The following MKS1 variants were observed in gnomAD, a reference collection of about 807,000 sequenced individuals.
MKS1 encodes the protein tectonic-like complex member MKS1.
Under a neutral mutation model 83.7 loss-of-function variants are expected in MKS1, and 70 were observed. The observed-to-expected ratio is 0.84, with a 90% CI of 0.69 to 1.02. MKS1 has a LOEUF of 1.02. Ranked by LOEUF, MKS1 falls within the 50% of genes least tolerant of loss-of-function variation. The pLI, the probability that MKS1 is intolerant of heterozygous loss-of-function variation, is 0.00. For synonymous variants in MKS1, 251 were observed against 273.4 expected, an observed-to-expected ratio of 0.92 and a Z score of 0.81; for missense variants, 681 against 726.9, an observed-to-expected ratio of 0.94 and a Z score of 0.73.
rs1968466644 is a variant in MKS1, at chr17:58,205,765, G to A, written c.*314C>T. ...TGCTACTGTGAGACAAGCCAGAAAA[G>A]TGAGTCAAGGCCAGACTCACTATGG... On this transcript the variant is annotated 3_prime_UTR_variant, in exon 18 of 18. Coordinates refer to ENST00000393119, the MANE Select transcript of MKS1 (RefSeq NM_017777.4). 3 of 1,411,962 alleles carry A rather than the reference G, an allele frequency of 2.1e-6. No individual in the cohort carries two copies. Among genetic ancestry groups the A allele is most frequent in the Admixed American group, 4.3e-5 (2 of 46,426 alleles). 87.5% of individuals were successfully genotyped at this position (1,411,962 alleles called of 1,614,324 possible). A position where few individuals can be genotyped will look rare whatever the true frequency, so the allele number is the denominator to read the frequency against.
rs745789469 is a variant in MKS1 at position 58,210,674 on chromosome 17, C to T, written c.1009G>A (p.Glu337Lys). 3 of 1,613,888 alleles carry T rather than the reference C, an allele frequency of 1.9e-6. No homozygotes were observed. The highest frequency in any genetic ancestry group is 4.5e-5 in the East Asian group (2 of 44,886). Residue 337 changes from glutamate (E) to lysine (K), a missense_variant, in exon 11 of 18, where the codon GAA (glutamate) becomes AAA (lysine). Physicochemically the swap from Glu to Lys is moderately conservative, Grantham distance 56. Transcript: ENST00000393119. ...TATTACTTACGAGCAGTTGGCAATT[C>T]TACAAAGAAGTGGACGTAGAGATTG... ...YDNLYVHFFV[E>K]LPTAHWSSPA...
chr17:58,213,110 G>C lies in MKS1; in HGVS notation c.750-20C>G. On this transcript the variant is annotated intron_variant, in intron 7 of 17. Transcript: ENST00000393119. ...TCAATCCTGTAAGGTCAAAACCACA[G>C]AAAGGAGCAACTCTAATAATGAGAG... The C allele has an allele frequency of 6.2e-7, 1 of 1,609,918 alleles. No individual in the cohort carries two copies. Among genetic ancestry groups the C allele is most frequent in the East Asian group, 2.2e-5 (1 of 44,876 alleles).
At position 58,209,033 on chromosome 17, in the gene MKS1, A is replaced by G. The variant is rs985191939; in HGVS notation, c.1025-450T>C. Among the ~76,000 whole-genome samples, 4 of 152,214 alleles carry G rather than the reference A, an allele frequency of 2.6e-5. No homozygotes were observed. The highest frequency in any genetic ancestry group is 5.9e-5 in the Non-Finnish European group (4 of 68,036). The stretch of plus-strand genomic sequence containing the variant: ...AAGGCAGAAGAATTTTTCTTAGTAC[A>G]GAACAAAATGGAGTCTCCTATGTCT... On this transcript the variant is annotated intron_variant, in intron 11 of 17. Transcript: ENST00000393119. This position sits in a 1 kb window ranked among gnomAD's most constrained non-coding sequence, Gnocchi z 4.1.
chr17:58,205,907 G>A lies in MKS1; in HGVS notation c.*172C>T. The A allele has an allele frequency of 2.0e-6, 3 of 1,474,592 alleles. No homozygotes were observed. Among genetic ancestry groups the A allele is most frequent in the South Asian group, 2.7e-5 (2 of 74,120 alleles). 91.3% of individuals were successfully genotyped at this position (1,474,592 alleles called of 1,614,324 possible). ...TCTGGCTTTATTTCCACAGGGTAGG[G>A]AGAAGACCCTGCAGAAGGCTAGGCA... is the stretch of plus-strand genomic sequence containing the variant. On this transcript the variant is annotated 3_prime_UTR_variant, in exon 18 of 18. Transcript: ENST00000393119.
chr17:58,210,985 T>C lies in MKS1; in HGVS notation c.953A>G (p.Glu318Gly), dbSNP rs762973500. The C allele has an allele frequency of 6.2e-7, 1 of 1,613,772 alleles. No individual in the cohort carries two copies. The highest frequency in any genetic ancestry group is 8.5e-7 in the Non-Finnish European group (1 of 1,179,916). The change falls in exon 10 of 18, where the codon GAG becomes GGG. Residue 318 changes from glutamate (E) to glycine (G), a missense_variant. By Grantham distance (98) the Glu-to-Gly change is moderately conservative. Transcript: ENST00000393119. ...PGALRLFVNG[E>G]VVSAQGYEYD... is the part of the protein sequence containing the mutation. ...TATGCTAGCAAGACACTTACCGACC[T>C]CTCCATTTACAAAGAGCCGGAGGGC...
chr17:58,217,247 C>T (rs1422722223), intron 2 of MKS1, among the ~76,000 whole-genome samples: 1 of 152,216 alleles, frequency 6.6e-6, no homozygotes, highest in Non-Finnish European at 1.5e-5. Flanking sequence ...CCTTGGTCTC[C>T]CAAAGTGCTG....
rs1252937483 is a variant in MKS1, at chr17:58,214,991, G to A, written c.418-153C>T. The A allele has an allele frequency of 2.3e-5, 29 of 1,235,816 alleles. No individual in the cohort carries two copies. The South Asian group carries it at 3.4e-4, about 15-fold the overall frequency. 76.6% of individuals were successfully genotyped at this position (1,235,816 alleles called of 1,614,324 possible). A position where few individuals can be genotyped will look rare whatever the true frequency, so the allele number is the denominator to read the frequency against. ...ATTATACATGCTAACGGAGGGAGCA[G>A]TAGCCAAACAACCCAAAGAAGATTT... On this transcript the variant is annotated intron_variant, in intron 4 of 17. Coordinates refer to ENST00000393119, the MANE Select transcript of MKS1 (RefSeq NM_017777.4).
At chr17:58,218,868 G>T in intron 1 of MKS1, 139 bp from the exon 2 acceptor site, 1 of 875,364 alleles carries the variant, frequency 1.1e-6, no homozygotes, top group Non-Finnish European at 1.8e-6. Context: ...GAGGTGGGTG[G>T]GTGCGCCGTC....
chr17:58,216,272 T>G, intron 3 of MKS1, 29 bp from the exon 4 acceptor site: 1 of 1,605,284 alleles, frequency 6.2e-7, no homozygotes, highest in Non-Finnish European at 8.5e-7. Flanking sequence ...AACAGAGATG[T>G]GTACATCATT....
chr17:58,212,547 C>T (rs1186717217), intron 8 of MKS1, 113 bp from the exon 9 acceptor site: 3 of 1,157,742 alleles, frequency 2.6e-6, no homozygotes, highest in South Asian at 2.5e-5. Flanking sequence ...GAGCTGGAGG[C>T]GTAAGCACCT....
intron 11 of MKS1, 79 bp downstream of exon 11, chr17:58,210,580 G>A (rs1238496712): frequency 7.7e-7 from 1 of 1,301,202 alleles, no homozygotes; most frequent in Non-Finnish European, 1.1e-6. Flanking sequence ...CAGCAGAGGA[G>A]TGGGAAAGGA....
At position 58,212,274 on chromosome 17, in the gene MKS1, A is replaced by G. The variant is rs148524932; in HGVS notation, c.915+104T>C. ...TTCTTTGACTTCCTTTTCACACTGTAGAGTATACCTTTGGGCCTTTAAGAG... is the reference window on the plus strand; with the variant it reads ...TTCTTTGACTTCCTTTTCACACTGTGGAGTATACCTTTGGGCCTTTAAGAG... On this transcript the variant is annotated intron_variant, in intron 9 of 17. Transcript: ENST00000393119. 5.7e-3 allele frequency: 7,502 copies of G among 1,319,812 alleles called. 34 individuals are homozygous for G. Among genetic ancestry groups the G allele is most frequent in the Non-Finnish European group, 7.3e-3 (6,656 of 912,526 alleles). The allele number at this position is 1,319,812 out of a possible 1,614,324, so 81.8% of individuals were successfully genotyped here. A position where few individuals can be genotyped will look rare whatever the true frequency, so the allele number is the denominator to read the frequency against.
intron 2 of MKS1, 173 bp downstream of exon 2, chr17:58,218,447 C>CAAAAAAA (rs67834721): frequency 1.4e-4 from 33 of 242,488 alleles, no homozygotes; most frequent in African/African-American, 4.7e-4. Context: ...GACTCCGTCT[C>CAAAAAAA]AAAAAAAAAA....
rs1456686112 is a variant in MKS1 at position 58,212,851 on chromosome 17, C to T, written c.858+131G>A. 3.7e-6 allele frequency: 3 copies of T among 821,600 alleles called. No homozygotes were observed. In the African/African-American group the frequency reaches 5.0e-5, roughly 14 times the overall value. The allele number at this position is 821,600 out of a possible 1,614,324, so 50.9% of individuals were successfully genotyped here. A position where few individuals can be genotyped will look rare whatever the true frequency, so the allele number is the denominator to read the frequency against. ...ACTTCTGTCTGATATGTCAGCAATG[C>T]TGCCTAAGTCAGAAGGGGCCATGAA... On this transcript the variant is annotated intron_variant, in intron 8 of 17. Coordinates refer to ENST00000393119, the MANE Select transcript of MKS1 (RefSeq NM_017777.4).
intron 15 of MKS1, 113 bp from the exon 16 acceptor site, chr17:58,206,660 G>T: frequency 9.2e-7 from 1 of 1,084,702 alleles, no homozygotes; most frequent in Non-Finnish European, 1.4e-6. Context: ...AGTTCTGTTG[G>T]GGAAACCTTA....
Position 58,205,671 on chromosome 17 carries a change from CT to C in MKS1, c.*407del. 7.6e-7 allele frequency: 1 copy of C among 1,310,992 alleles called. No individual in the cohort carries two copies. 81.2% of individuals were successfully genotyped at this position (1,310,992 alleles called of 1,614,324 possible). On this transcript the variant is annotated 3_prime_UTR_variant, in exon 18 of 18. Transcript: ENST00000393119. ...GATTTAAGACCCTCTCACCGTCCAC[CT>C]TCCTTCCTTCTTTGGTCTTGGAAGA... is the stretch of plus-strand genomic sequence containing the variant.
In MKS1 at chr17:58,219,195, C is replaced by A. The variant is rs1386455261; in HGVS notation, c.36G>T (p.Glu12Asp). Residue 12 changes from glutamate to aspartate, a missense_variant, in exon 1 of 18, where the codon GAG becomes GAT. Around this residue, in one of 3 missense-constraint regions of MKS1, gnomAD observed 365 missense variants for 383.8 expected, o/e 0.95. Coordinates refer to ENST00000393119, the MANE Select transcript of MKS1 (RefSeq NM_017777.4). ...AETVWSTDTGEAVYRSRDPVR... is the reference protein window; with the variant it reads ...AETVWSTDTGDAVYRSRDPVR... ...CGGGGTCCCGGGAGCGATACACTGC[C>A]TCCCCGGTGTCAGTGCTCCAGACGG... 7 of 1,551,084 alleles carry A rather than the reference C, an allele frequency of 4.5e-6. No individual in the cohort carries two copies. The African/African-American group carries it at 9.6e-5, about 21-fold the overall frequency.
Position 58,208,030 on chromosome 17 carries a change from C to T in MKS1, c.1166-29G>A, listed in dbSNP as rs1436125031. 1.9e-6 allele frequency: 3 copies of T among 1,611,082 alleles called. No individual in the cohort carries two copies. The Admixed American group carries it at 5.0e-5, about 27-fold the overall frequency. On this transcript the variant is annotated intron_variant, in intron 13 of 17. Transcript: ENST00000393119. ...GGAGCAAGGAGAGAAGCGGCCAGGT[C>T]ACAGGCGGCCTTCACCAAGAGACAG...
rs928205108 is a variant in MKS1 at position 58,206,140 on chromosome 17, T to C, written c.1619A>G (p.Gln540Arg). ...CTGCGGGAGGCTTTCCCGGGCCTCC[T>C]GCATGCGGCGCCGGGCTCGACGGAA... Reference protein sequence around the residue: ...EAFRRARRRMQEARESLPQDL... With the variant: ...EAFRRARRRMREARESLPQDL... Residue 540 changes from glutamine (Q) to arginine (R), a missense_variant, in exon 18 of 18, where the codon CAG becomes CGG. Transcript: ENST00000393119. 1.9e-6 allele frequency: 3 copies of C among 1,613,794 alleles called. No homozygotes were observed. Among genetic ancestry groups the C allele is most frequent in the Non-Finnish European group, 1.7e-6 (2 of 1,179,918 alleles).
Sources: gnomAD v4.1 joint callset for allele counts (sites outside exome capture counted in the v4.1 genomes callset) on GRCh38, gnomAD v4.1.1 for gene constraint, gnomAD v4.1.1 regional missense constraint, Gnocchi (gnomAD v3.1) non-coding constraint, MANE v1.5 for transcripts, NCBI Gene and HGNC (gene_info 2026-07-23, HGNC 2026-07-21) for gene names.